TMEM178A: variants seen among roughly 807,000 people sequenced by gnomAD.
TMEM178A encodes the protein transmembrane protein 178.
A neutral mutation model predicts 29.1 loss-of-function variants in TMEM178A; 12 were observed. That is an observed-to-expected ratio of 0.41 (90% CI 0.26 to 0.67). The LOEUF (loss-of-function observed/expected upper bound fraction) is 0.67. Among genes scored for constraint, TMEM178A ranks in the 30% least tolerant of loss-of-function variants. The pLI, the probability that TMEM178A is intolerant of heterozygous loss-of-function variation, is 0.29. For synonymous variants in TMEM178A, 210 were observed against 187.2 expected (o/e 1.12, Z -0.99); for missense variants, 366 against 419.1 (o/e 0.87, Z 1.11).
chr2:39,667,762 C>G (rs891370371), intron 1 of TMEM178A, among the ~76,000 whole-genome samples: 1 of 152,208 alleles, frequency 6.6e-6, no homozygotes, highest in African/African-American at 2.4e-5. Flanking sequence ...TTAGGGGAAC[C>G]AGATACAGTA....
intron 1 of TMEM178A, among the ~76,000 whole-genome samples, chr2:39,671,138 A>C (rs1670392780): frequency 1.3e-5 from 2 of 152,236 alleles, no homozygotes; most frequent in Admixed American, 1.3e-4. Context: ...CAGATATCAA[A>C]GACAGTGGGT....
At chr2:39,726,925 G>T in the TMEM178A span, among the ~76,000 whole-genome samples, 10 of 152,252 alleles carry the variant, frequency 6.6e-5, no homozygotes, top group East Asian at 1.9e-3. Context: ...GCATTCAGAT[G>T]GCAAAATTAC....
intron 1 of TMEM178A, among the ~76,000 whole-genome samples, chr2:39,700,000 G>A (rs1216616018): frequency 6.6e-6 from 1 of 152,132 alleles, no homozygotes; most frequent in Non-Finnish European, 1.5e-5. Flanking sequence ...GCATTGTGGT[G>A]AGAGAACTTA....
At chr2:39,716,634 A>G (rs986551936) in intron 3 of TMEM178A, among the ~76,000 whole-genome samples, 1 of 152,216 alleles carries the variant, frequency 6.6e-6, no homozygotes, top group African/African-American at 2.4e-5. Context: ...GGAAAATGAA[A>G]ACTATTTTGT....
In TMEM178A at chr2:39,701,705, G is replaced by A. The variant is rs139288715; in HGVS notation, c.401-2376G>A. Among the ~76,000 whole-genome samples the A allele has an allele frequency of 2.9e-3, 438 of 152,106 alleles. 2 individuals carry two copies. Among genetic ancestry groups the A allele is most frequent in the African/African-American group, 0.01 (416 of 41,502 alleles). ...TGATGGTGCCTCACAGGTCTCTGAG[G>A]CCCTGACCATTTTTTAAATCATCCT... On this transcript the variant is annotated intron_variant, in intron 1 of 3. Transcript: ENST00000281961.
intron 1 of TMEM178A, among the ~76,000 whole-genome samples, chr2:39,689,001 C>T (rs889994184): frequency 6.6e-6 from 1 of 152,096 alleles, no homozygotes; most frequent in Non-Finnish European, 1.5e-5. Flanking sequence ...AGAGCTATTG[C>T]CCTTGTCTAT....
chr2:39,714,876 T>C (rs1672468859), intron 3 of TMEM178A, among the ~76,000 whole-genome samples: 1 of 152,216 alleles, frequency 6.6e-6, no homozygotes, highest in Non-Finnish European at 1.5e-5. Flanking sequence ...TTCATTTAAT[T>C]GCATAAGCTG....
At chr2:39,706,232 C>A (rs989258276) in intron 2 of TMEM178A, among the ~76,000 whole-genome samples, 5 of 152,006 alleles carry the variant, frequency 3.3e-5, no homozygotes, top group African/African-American at 1.2e-4. Flanking sequence ...TTGCAATAGA[C>A]CAAACTAGAC....
At chr2:39,720,496 T>C (rs1672681150), downstream of TMEM178A, among the ~76,000 whole-genome samples, 1 of 152,180 alleles carries the variant, frequency 6.6e-6, no homozygotes, top group African/African-American at 2.4e-5. Flanking sequence ...TTCTGACTTT[T>C]CCTTGTGTCT....
downstream of TMEM178A, among the ~76,000 whole-genome samples, chr2:39,720,622 T>C (rs1250610861): frequency 1.3e-5 from 2 of 152,216 alleles, no homozygotes; most frequent in African/African-American, 4.8e-5. Context: ...AACCAGATCA[T>C]AGACTCTTTC....
chr2:39,730,514 T>C, the TMEM178A span, among the ~76,000 whole-genome samples: 94 of 152,292 alleles, frequency 6.2e-4, no homozygotes, highest in African/African-American at 2.2e-3. Flanking sequence ...ATCCAGACTG[T>C]CTGGCACCAA....
chr2:39,675,120 T>A (rs1423756705), intron 1 of TMEM178A, among the ~76,000 whole-genome samples: 1 of 152,182 alleles, frequency 6.6e-6, no homozygotes, highest in Non-Finnish European at 1.5e-5. Context: ...TAATCTCAAA[T>A]GGGTTTTAAT....
At position 39,689,406 on chromosome 2, in the gene TMEM178A, A is replaced by G. The variant is rs143376658; in HGVS notation, c.401-14675A>G. Among the ~76,000 whole-genome samples, 28 of 152,316 alleles carry G rather than the reference A, an allele frequency of 1.8e-4. No homozygotes were observed. In the East Asian group the frequency reaches 2.3e-3, roughly 13 times the overall value. On this transcript the variant is annotated intron_variant, in intron 1 of 3. Coordinates refer to ENST00000281961, the MANE Select transcript of TMEM178A (RefSeq NM_152390.3). ...GTTAGTTTTTAGTTTTTGTGGCACC[A>G]TATTCTAGACTCAGAAAGCAGATCA...
At chr2:39,674,893 G>T (rs551046125) in intron 1 of TMEM178A, among the ~76,000 whole-genome samples, 3 of 151,952 alleles carry the variant, frequency 2.0e-5, no homozygotes, top group Admixed American at 2.0e-4. Context: ...AAATAAGCAC[G>T]CGTAGAATAA....
chr2:39,715,897 A>T (rs966668468), intron 3 of TMEM178A, among the ~76,000 whole-genome samples: 2 of 152,288 alleles, frequency 1.3e-5, no homozygotes, highest in African/African-American at 2.4e-5. Context: ...TGGTGGGTAG[A>T]GGGCGGGGAG....
chr2:39,726,170 G>C, the TMEM178A span, among the ~76,000 whole-genome samples: 3 of 152,160 alleles, frequency 2.0e-5, no homozygotes, highest in East Asian at 5.8e-4. Context: ...CAGGGCTTGT[G>C]CAGTAGGTGG....
chr2:39,720,694 G>C (rs1400063463), downstream of TMEM178A, among the ~76,000 whole-genome samples: 1 of 152,162 alleles, frequency 6.6e-6, no homozygotes, highest in Non-Finnish European at 1.5e-5. Context: ...GACCGTAGGT[G>C]CTCTTAAATC....
At chr2:39,716,353 GT>G (rs1672535811) in intron 3 of TMEM178A, among the ~76,000 whole-genome samples, 1 of 152,174 alleles carries the variant, frequency 6.6e-6, no homozygotes, top group Non-Finnish European at 1.5e-5. Context: ...AAAAAGCAAA[GT>G]TTTGGGTCTG....
chr2:39,671,599 T>C (rs1261885947), intron 1 of TMEM178A, among the ~76,000 whole-genome samples: 1 of 152,230 alleles, frequency 6.6e-6, no homozygotes, highest in East Asian at 1.9e-4. Context: ...CTGAAATTCT[T>C]TGGGCATCAC....
Sources: gnomAD v4.1 joint callset for allele counts (sites outside exome capture counted in the v4.1 genomes callset) on GRCh38, gnomAD v4.1.1 for gene constraint, MANE v1.5 for transcripts, NCBI Gene and HGNC (gene_info 2026-07-23, HGNC 2026-07-21) for gene names.